SRD5A1: variants seen among roughly 807,000 people sequenced by gnomAD.
SRD5A1 encodes the protein 3-oxo-5-alpha-steroid 4-dehydrogenase 1.
Under a neutral mutation model 28.2 loss-of-function variants are expected in SRD5A1, and 22 were observed. The observed-to-expected ratio is 0.78, with a 90% CI of 0.56 to 1.12. The LOEUF (loss-of-function observed/expected upper bound fraction) is 1.12. SRD5A1 is among the 50% of genes most tolerant of loss of function. The pLI is 0.00. For synonymous variants in SRD5A1, 151 were observed against 135.0 expected, an observed-to-expected ratio of 1.12 and a Z score of -0.82; for missense variants, 300 against 346.7, an observed-to-expected ratio of 0.87 and a Z score of 1.07.
At chr5:6,639,975 C>T (rs1472540501) in intron 1 of SRD5A1, among the ~76,000 whole-genome samples, 1 of 152,210 alleles carries the variant, frequency 6.6e-6, no homozygotes, top group African/African-American at 2.4e-5. Context: ...CATACACATA[C>T]AACATCTTGT....
In SRD5A1 at chr5:6,668,304, TTTCC is replaced by T; in HGVS notation, c.*37_*40del. 1 of 1,251,162 alleles carries T rather than the reference TTTCC, an allele frequency of 8.0e-7. No homozygotes were observed. Among genetic ancestry groups the T allele is most frequent in the Non-Finnish European group, 1.1e-6 (1 of 874,400 alleles). The allele number at this position is 1,251,162 out of a possible 1,614,324, so 77.5% of individuals were successfully genotyped here. Reference sequence around the variant, plus strand: ...CATGAAATTATCTTCAACTTGAAGCTTTCCAATGGCGCTTCTCTATGGACTTTGT... The same window carrying T: ...CATGAAATTATCTTCAACTTGAAGCTAATGGCGCTTCTCTATGGACTTTGT... On this transcript the variant is annotated 3_prime_UTR_variant, in exon 5 of 5. Coordinates refer to ENST00000274192, the MANE Select transcript of SRD5A1 (RefSeq NM_001047.4).
intron 1 of SRD5A1, chr5:6,645,181 A>G: frequency 2.8e-6 from 1 of 362,158 alleles, no homozygotes. Flanking sequence ...AGCCAGCATG[A>G]CACTACTATT....
intron 1 of SRD5A1, among the ~76,000 whole-genome samples, chr5:6,650,776 A>G (rs967325239): frequency 1.3e-5 from 2 of 148,422 alleles, no homozygotes; most frequent in African/African-American, 5.0e-5. Flanking sequence ...ATATCTCCCA[A>G]TGCTATCCCT....
chr5:6,660,428 G>T (rs1293712581), intron 3 of SRD5A1, among the ~76,000 whole-genome samples: 2 of 152,218 alleles, frequency 1.3e-5, no homozygotes, highest in African/African-American at 4.8e-5. Flanking sequence ...GCATCTGCAG[G>T]GTATGGTACA....
At chr5:6,657,383 C>A (rs1463439119) in intron 3 of SRD5A1, among the ~76,000 whole-genome samples, 1 of 152,316 alleles carries the variant, frequency 6.6e-6, no homozygotes, top group East Asian at 1.9e-4. Context: ...GCAAACTGCA[C>A]CCTCATGGGG....
intron 1 of SRD5A1, among the ~76,000 whole-genome samples, chr5:6,637,830 G>A (rs535981): frequency 0.19 from 29,236 of 152,080 alleles, 3,019 homozygotes; most frequent in African/African-American, 0.23. Flanking sequence ...CCATGACCTT[G>A]TGGGACTTTG....
chr5:6,652,371 A>G (rs1184015316), intron 2 of SRD5A1, among the ~76,000 whole-genome samples: 1 of 152,212 alleles, frequency 6.6e-6, no homozygotes, highest in Admixed American at 6.5e-5. Context: ...ACATGAGGAA[A>G]ACCCAGACTG....
chr5:6,657,417 T>C (rs115825376), intron 3 of SRD5A1, among the ~76,000 whole-genome samples: 2,635 of 152,368 alleles, frequency 0.017, 34 homozygotes, highest in Non-Finnish European at 0.027. Flanking sequence ...CCGCTTCCTC[T>C]GGCAGGTACA....
At chr5:6,640,585 C>T (rs1330891714) in intron 1 of SRD5A1, among the ~76,000 whole-genome samples, 3 of 150,348 alleles carry the variant, frequency 2.0e-5, no homozygotes, top group Non-Finnish European at 2.9e-5. Context: ...GGGCTGGTCT[C>T]GGAACTCCTG....
At chr5:6,642,374 A>T (rs143500788) in intron 1 of SRD5A1, among the ~76,000 whole-genome samples, 47 of 152,318 alleles carry the variant, frequency 3.1e-4, no homozygotes, top group Non-Finnish European at 5.6e-4. Flanking sequence ...GCCTTTCCAT[A>T]TGGTATTACA....
rs1738044780 is a variant in SRD5A1 at position 6,633,520 on chromosome 5, C to T, written c.-57C>T. The stretch of plus-strand genomic sequence containing the variant: ...GCCCCTCCTGCCCCCGCGCCGCCGC[C>T]CTATATGTTGCCCGCCGCGGCCTCT... On this transcript the variant is annotated 5_prime_UTR_variant, in exon 1 of 5. Transcript: ENST00000274192. The T allele has an allele frequency of 7.0e-7, 1 of 1,419,442 alleles. No homozygotes were observed. The highest frequency in any genetic ancestry group is 1.5e-5 in the South Asian group (1 of 66,256). 87.9% of individuals were successfully genotyped at this position (1,419,442 alleles called of 1,614,324 possible).
intron 1 of SRD5A1, among the ~76,000 whole-genome samples, chr5:6,649,899 C>G (rs1211289008): frequency 2.6e-5 from 4 of 152,118 alleles, no homozygotes. Context: ...GCCCGCCCAC[C>G]CTTCACAATC....
chr5:6,663,985 G>C (rs1321970767), intron 4 of SRD5A1, among the ~76,000 whole-genome samples: 1 of 152,176 alleles, frequency 6.6e-6, no homozygotes, highest in African/African-American at 2.4e-5. Context: ...GGCCAGCCAG[G>C]AGCCCCATCT....
intron 3 of SRD5A1, among the ~76,000 whole-genome samples, chr5:6,656,858 G>A (rs543183805): frequency 3.3e-5 from 5 of 152,112 alleles, no homozygotes; most frequent in Admixed American, 1.3e-4. Context: ...TAAGAGGCAC[G>A]GTCACAAGGT....
rs1739334711 is a variant in SRD5A1 at position 6,670,666 on chromosome 5, G to C, written c.*2398G>C. On this transcript the variant is annotated 3_prime_UTR_variant, in exon 5 of 5. Transcript: ENST00000274192. Reference sequence around the variant, plus strand: ...AGGTGGAGTGACAGGTAAGAAACAAGTAAGTAGCTAAAATAATGTTAGGTA... The same window carrying C: ...AGGTGGAGTGACAGGTAAGAAACAACTAAGTAGCTAAAATAATGTTAGGTA... 6.6e-6 allele frequency: 1 copy of C among 152,184 alleles called. No individual in the cohort carries two copies. The highest frequency in any genetic ancestry group is 1.5e-5 in the Non-Finnish European group (1 of 68,038). 9.4% of individuals were successfully genotyped at this position (152,184 alleles called of 1,614,324 possible).
intron 3 of SRD5A1, among the ~76,000 whole-genome samples, chr5:6,658,785 G>C (rs553452209): frequency 6.6e-6 from 1 of 151,898 alleles, no homozygotes; most frequent in East Asian, 1.9e-4. Context: ...AACCACAGAA[G>C]CATGTTAGAA....
rs957975711 is a variant in SRD5A1 at position 6,673,499 on chromosome 5, G to A, written c.*5231G>A. On this transcript the variant is annotated 3_prime_UTR_variant, in exon 5 of 5. Transcript: ENST00000274192. ...CGGCTGGTGGGGATGCAAAGTGGTG[G>A]AGCCACTTGGGAAGACAGTCTGGCA... 5 of 152,176 alleles carry A rather than the reference G, an allele frequency of 3.3e-5. No individual in the cohort carries two copies. The highest frequency in any genetic ancestry group is 7.3e-5 in the Non-Finnish European group (5 of 68,046). The allele number at this position is 152,176 out of a possible 1,614,324, so 9.4% of individuals were successfully genotyped here.
At chr5:6,663,877 G>T (rs2126552178) in intron 4 of SRD5A1, among the ~76,000 whole-genome samples, 1 of 151,912 alleles carries the variant, frequency 6.6e-6, no homozygotes, top group South Asian at 2.1e-4. Context: ...AAAGAAAAAA[G>T]GAAAAGAAAT....
At chr5:6,648,767 A>G (rs1056047527) in intron 1 of SRD5A1, among the ~76,000 whole-genome samples, 3 of 152,100 alleles carry the variant, frequency 2.0e-5, no homozygotes, top group East Asian at 1.9e-4. Context: ...ACTTCTGTCA[A>G]TTTGTCAAAC....
Sources: allele counts gnomAD v4.1 joint callset (sites outside exome capture counted in the v4.1 genomes callset), GRCh38; gene constraint gnomAD v4.1.1; transcripts MANE v1.5; gene names NCBI Gene and HGNC (gene_info 2026-07-23, HGNC 2026-07-21).